Variants in MAF observed in about 807,000 individuals in gnomAD.
MAF encodes the protein MAF bZIP transcription factor.
In MAF, 10 loss-of-function variants were observed where a neutral mutation model predicts 22.0. That is an observed-to-expected ratio of 0.45 (90% CI 0.28 to 0.77). The LOEUF (loss-of-function observed/expected upper bound fraction) is 0.77. Among genes scored for constraint, MAF ranks in the 30% least tolerant of loss-of-function variants. The pLI is 0.12. For synonymous variants in MAF, 337 were observed against 255.8 expected (o/e 1.32, Z -3.03); for missense variants, 544 against 548.4 (o/e 0.99, Z 0.08).
the MAF span, among the ~76,000 whole-genome samples, chr16:79,404,397 C>T: frequency 0.42 from 63,597 of 151,828 alleles, 14,255 homozygotes; most frequent in East Asian, 0.68. Context: ...CTCTTGACCT[C>T]GTGATCTGCC....
At chr16:79,569,049 G>C in the MAF span, among the ~76,000 whole-genome samples, 2 of 152,202 alleles carry the variant, frequency 1.3e-5, no homozygotes, top group South Asian at 4.1e-4. Context: ...TCCTGCCTAA[G>C]TCCCTGCAGG....
chr16:79,310,379 G>A, the MAF span, among the ~76,000 whole-genome samples: 1 of 152,194 alleles, frequency 6.6e-6, no homozygotes, highest in Non-Finnish European at 1.5e-5. Flanking sequence ...TAGAGACAGA[G>A]AGTAAGAGAG....
At chr16:79,360,026 G>A in the MAF span, among the ~76,000 whole-genome samples, 1 of 152,138 alleles carries the variant, frequency 6.6e-6, no homozygotes. Flanking sequence ...TGGAGCAATT[G>A]GGGAAGAGGG....
At chr16:79,432,663 A>G in the MAF span, among the ~76,000 whole-genome samples, 44 of 152,306 alleles carry the variant, frequency 2.9e-4, no homozygotes, top group Non-Finnish European at 5.1e-4. Context: ...TTGTGGAAGT[A>G]GTTAAGATGA....
At chr16:79,253,587 G>A in the MAF span, among the ~76,000 whole-genome samples, 5 of 152,156 alleles carry the variant, frequency 3.3e-5, no homozygotes, top group Non-Finnish European at 5.9e-5. Context: ...ATGTGCATGC[G>A]GGAGGGTGGG....
chr16:79,525,362 G>A, the MAF span, among the ~76,000 whole-genome samples: 4 of 152,164 alleles, frequency 2.6e-5, no homozygotes, highest in African/African-American at 9.7e-5. Flanking sequence ...ATTAAAGCAC[G>A]GCTCTGTCCA....
At chr16:79,297,619 T>C in the MAF span, among the ~76,000 whole-genome samples, 2 of 152,208 alleles carry the variant, frequency 1.3e-5, no homozygotes, top group African/African-American at 4.8e-5. Flanking sequence ...TCCAACGCGA[T>C]GATACAGAAA....
the MAF span, among the ~76,000 whole-genome samples, chr16:79,465,657 T>A: frequency 6.6e-6 from 1 of 151,952 alleles, no homozygotes; most frequent in Non-Finnish European, 1.5e-5. Flanking sequence ...ACACATATTA[T>A]TATTTTTTTA....
chr16:79,502,708 A>ATATAAATAT, the MAF span, among the ~76,000 whole-genome samples: 1 of 34,008 alleles, frequency 2.9e-5, no homozygotes, highest in African/African-American at 9.0e-5. Flanking sequence ...TATAAATATA[A>ATATAAATAT]ATATATATAT....
chr16:79,343,272 GTTC>G, the MAF span, among the ~76,000 whole-genome samples: 1 of 151,724 alleles, frequency 6.6e-6, no homozygotes, highest in East Asian at 1.9e-4. Flanking sequence ...GTGTGCTCCA[GTTC>G]TTCTCTTCCT....
chr16:79,224,648 C>G, the MAF span, among the ~76,000 whole-genome samples: 2,921 of 152,300 alleles, frequency 0.019, 99 homozygotes, highest in African/African-American at 0.067. Context: ...AGCAGATAAG[C>G]AACTTCAGCA....
chr16:79,563,424 G>A, the MAF span, among the ~76,000 whole-genome samples: 1 of 151,574 alleles, frequency 6.6e-6, no homozygotes, highest in African/African-American at 2.4e-5. Flanking sequence ...TTATTGTTGT[G>A]GTCAAACTCC....
the MAF span, among the ~76,000 whole-genome samples, chr16:79,318,977 G>A: frequency 6.7e-6 from 1 of 150,274 alleles, no homozygotes; most frequent in Non-Finnish European, 1.5e-5. Context: ...AAATTGAGAG[G>A]CAAAAATAAA....
the MAF span, among the ~76,000 whole-genome samples, chr16:79,527,514 T>A: frequency 6.6e-6 from 1 of 152,156 alleles, no homozygotes; most frequent in African/African-American, 2.4e-5. Context: ...ATGCCAACAT[T>A]TGGTGACATT....
chr16:79,590,522 A>G (rs1913132285), downstream of MAF, among the ~76,000 whole-genome samples: 1 of 152,166 alleles, frequency 6.6e-6, no homozygotes, highest in Non-Finnish European at 1.5e-5. Context: ...ATGACCAGGC[A>G]TGGAAGGAAA....
At chr16:79,223,891 C>T in the MAF span, among the ~76,000 whole-genome samples, 1 of 152,062 alleles carries the variant, frequency 6.6e-6, no homozygotes, top group Admixed American at 6.5e-5. Flanking sequence ...CAAAATAAGT[C>T]CAGGACCAGA....
chr16:79,308,390 A>G, the MAF span, among the ~76,000 whole-genome samples: 1 of 152,128 alleles, frequency 6.6e-6, no homozygotes, highest in Non-Finnish European at 1.5e-5. Context: ...TCTGGGAGGC[A>G]CCTCTATCAC....
At chr16:79,295,183 C>G in the MAF span, among the ~76,000 whole-genome samples, 160 of 152,234 alleles carry the variant, frequency 1.1e-3, 1 homozygote, top group African/African-American at 3.8e-3. Context: ...GAGCTTCAGC[C>G]CACACTCCTT....
chr16:79,321,767 C>T, the MAF span, among the ~76,000 whole-genome samples: 1 of 151,048 alleles, frequency 6.6e-6, no homozygotes. Context: ...TCTCCTGCCT[C>T]AGCCTCCCTA....
Sources: allele counts gnomAD v4.1 joint callset (sites outside exome capture counted in the v4.1 genomes callset), GRCh38; gene constraint gnomAD v4.1.1; transcripts MANE v1.5; gene names NCBI Gene and HGNC (gene_info 2026-07-23, HGNC 2026-07-21).